The following FNIP1 variants were observed in gnomAD, a reference collection of about 807,000 sequenced individuals.
FNIP1 encodes the protein folliculin interacting protein 1.
A neutral mutation model predicts 124.5 loss-of-function variants in FNIP1; 40 were observed. The ratio of observed to expected loss-of-function variants is 0.32; its 90% CI spans 0.25 to 0.42. FNIP1 has a LOEUF of 0.42. Among genes scored for constraint, FNIP1 ranks in the 10% least tolerant of loss-of-function variants. FNIP1 has a pLI of 1.00. For missense variants in FNIP1, 1,176 were observed against 1,403.7 expected, an observed-to-expected ratio of 0.84 and a Z score of 2.59; for synonymous variants, 472 against 470.6, an observed-to-expected ratio of 1.00 and a Z score of -0.04.
At chr5:131,739,327 G>A (rs578184375) in intron 2 of FNIP1, among the ~76,000 whole-genome samples, 10 of 152,180 alleles carry the variant, frequency 6.6e-5, no homozygotes, top group Admixed American at 2.0e-4. Context: ...ACAGTAAGAC[G>A]CCATCTTTAA....
At position 131,698,914 on chromosome 5, in the gene FNIP1, T is replaced by C; in HGVS notation, c.1202+3A>G. 6.2e-7 allele frequency: 1 copy of C among 1,605,108 alleles called. No individual in the cohort carries two copies. The highest frequency in any genetic ancestry group is 2.2e-5 in the East Asian group (1 of 44,516). ...GCATTATGGAAAGCTGGGCAATATG[T>C]ACCTGAATTCATTTAGGGCATCAAC... is the stretch of plus-strand genomic sequence containing the variant. On this transcript the variant is annotated splice_donor_region_variant and intron_variant, in intron 11 of 17. Transcript: ENST00000510461.
chr5:131,738,610 G>A lies in FNIP1; in HGVS notation c.219+5954C>T, dbSNP rs150968800. On this transcript the variant is annotated intron_variant, in intron 2 of 17. Transcript: ENST00000510461. ...CGCCTCCTGGGATCAAGCAATTCTC[G>A]TGTCTCAGCCTCCCTAGTAGATGAA... 6.0e-3 allele frequency among the ~76,000 whole-genome samples: 918 copies of A among 152,006 alleles called. 9 individuals carry two copies. Among genetic ancestry groups the A allele is most frequent in the African/African-American group, 0.021 (878 of 41,462 alleles).
At chr5:131,653,076 A>G (rs1287359768) in intron 15 of FNIP1, among the ~76,000 whole-genome samples, 25 of 152,238 alleles carry the variant, frequency 1.6e-4, no homozygotes, top group Admixed American at 1.6e-3. Context: ...AATATCCCTC[A>G]GCACCAGAGA....
At position 131,672,870 on chromosome 5, in the gene FNIP1, A is replaced by G. The variant is rs1356391736; in HGVS notation, c.1574T>C (p.Val525Ala). 1.9e-6 allele frequency: 3 copies of G among 1,602,848 alleles called. No homozygotes were observed. Residue 525 changes from valine to alanine, a missense_variant, in exon 14 of 18, where the codon GTT becomes GCT. By Grantham distance (64) the Val-to-Ala change is moderately conservative. Coordinates refer to ENST00000510461, the MANE Select transcript of FNIP1 (RefSeq NM_133372.3). ...CTGGACCATGTCTTGTCGTTTGCCA[A>G]CTACCACAGTCCTTGCTAACCGTAC... ...SPVRLARTVV[V>A]GKRQDMVQRL... is the part of the protein sequence containing the mutation.
chr5:131,735,524 A>T (rs562365472), intron 2 of FNIP1, among the ~76,000 whole-genome samples: 2 of 148,558 alleles, frequency 1.3e-5, no homozygotes, highest in East Asian at 3.9e-4. Context: ...ACGTATATAC[A>T]TATATACGTA....
At position 131,776,561 on chromosome 5, in the gene FNIP1, G is replaced by A. The variant is rs1010802409; in HGVS notation, c.92+20269C>T. Among the ~76,000 whole-genome samples, 35 of 152,162 alleles carry A rather than the reference G, an allele frequency of 2.3e-4. 1 individual carries two copies. ...AACAAAATACTAAACAGCAGCAACT[G>A]CTACATGTGGCAATATGAATAAATC... On this transcript the variant is annotated intron_variant, in intron 1 of 17. Coordinates refer to ENST00000510461, the MANE Select transcript of FNIP1 (RefSeq NM_133372.3).
At chr5:131,646,330 A>G (rs2149501145) in intron 17 of FNIP1, among the ~76,000 whole-genome samples, 1 of 152,366 alleles carries the variant, frequency 6.6e-6, no homozygotes, top group South Asian at 2.1e-4. Context: ...CCTGGATAAC[A>G]CTGCCTACAC....
At position 131,705,622 on chromosome 5, in the gene FNIP1, A is replaced by AT. The variant is rs1489163795; in HGVS notation, c.914+788dup. On this transcript the variant is annotated intron_variant, in intron 9 of 17. Coordinates refer to ENST00000510461, the MANE Select transcript of FNIP1 (RefSeq NM_133372.3). ...GTGAAGATATGGAGAAATTGGAACCATTGTGCATTGCTGGTGGGAATGTAA... is the reference window on the plus strand; with the variant it reads ...GTGAAGATATGGAGAAATTGGAACCATTTGTGCATTGCTGGTGGGAATGTAA... Among the ~76,000 whole-genome samples the AT allele has an allele frequency of 5.3e-5, 8 of 152,324 alleles. No individual in the cohort carries two copies. In the East Asian group the frequency reaches 1.5e-3, roughly 29 times the overall value.
intron 1 of FNIP1, among the ~76,000 whole-genome samples, chr5:131,760,517 C>G (rs1399907718): frequency 6.6e-6 from 1 of 152,002 alleles, no homozygotes; most frequent in Non-Finnish European, 1.5e-5. Flanking sequence ...TCCATTTGAC[C>G]ATCCATATAT....
At chr5:131,704,992 A>C (rs1338960484) in intron 9 of FNIP1, among the ~76,000 whole-genome samples, 1 of 152,214 alleles carries the variant, frequency 6.6e-6, no homozygotes, top group African/African-American at 2.4e-5. Context: ...AATGGAGTAA[A>C]AAGGCATCCC....
intron 11 of FNIP1, among the ~76,000 whole-genome samples, chr5:131,686,511 C>T (rs759550786): frequency 1.3e-4 from 20 of 152,060 alleles, no homozygotes; most frequent in Non-Finnish European, 2.1e-4. Flanking sequence ...TTGAGCCTGG[C>T]TACTTCGAAA....
chr5:131,683,892 TCAAAC>T (rs1471176172), intron 11 of FNIP1, among the ~76,000 whole-genome samples: 1 of 152,188 alleles, frequency 6.6e-6, no homozygotes, highest in Non-Finnish European at 1.5e-5. Flanking sequence ...CACATTTTCA[TCAAAC>T]CCTCAATACA....
intron 1 of FNIP1, among the ~76,000 whole-genome samples, chr5:131,746,618 A>T (rs149625746): frequency 6.6e-6 from 1 of 152,214 alleles, no homozygotes; most frequent in Non-Finnish European, 1.5e-5. Flanking sequence ...ATTCTTTTTT[A>T]TGGCTGAGTA....
At chr5:131,708,489 T>G (rs1580773518) in intron 8 of FNIP1, among the ~76,000 whole-genome samples, 2 of 152,178 alleles carry the variant, frequency 1.3e-5, no homozygotes, top group African/African-American at 4.8e-5. Flanking sequence ...TTTGCCTGGA[T>G]AACTGCTATT....
In FNIP1 at chr5:131,710,634, C is replaced by T. The variant is rs751825253; in HGVS notation, c.650G>A (p.Arg217Gln). Reference sequence around the variant, plus strand: ...GAGCGGACCCTGCTCAGAGAATGCCCGCCTGGGGCTGCAGAACTGTGAAAG... The same window carrying T: ...GAGCGGACCCTGCTCAGAGAATGCCTGCCTGGGGCTGCAGAACTGTGAAAG... ...IGLSQFCSPR[R>Q]AFSEQGPLRL... The change falls in exon 7 of 18, where the codon CGG (arginine) becomes CAG (glutamine). Residue 217 changes from arginine to glutamine, a missense_variant. Physicochemically the swap from Arg to Gln is conservative, Grantham distance 43. Transcript: ENST00000510461. The T allele has an allele frequency of 1.2e-5, 19 of 1,613,814 alleles. No individual in the cohort carries two copies. The highest frequency in any genetic ancestry group is 1.5e-5 in the Non-Finnish European group (18 of 1,179,966).
At position 131,671,999 on chromosome 5, in the gene FNIP1, A is replaced by G. The variant is rs1767768653; in HGVS notation, c.2445T>C (p.Ser815=). 6.2e-7 allele frequency: 1 copy of G among 1,614,090 alleles called. No individual in the cohort carries two copies. Among genetic ancestry groups the G allele is most frequent in the African/African-American group, 1.3e-5 (1 of 74,932 alleles). Residue 815 remains serine (S), a synonymous_variant, in exon 14 of 18, where the codon TCT becomes TCC. Coordinates refer to ENST00000510461, the MANE Select transcript of FNIP1 (RefSeq NM_133372.3). ...AACAGGGAAGTTCACAGGGCTCTTC[A>G]GAAACCATGTTCTGTGTATCAGACT... is the stretch of plus-strand genomic sequence containing the variant. The part of the protein sequence containing the change: ...SGESDTQNMV[S]EEPCELPCWN...
Position 131,651,811 on chromosome 5 carries a change from A to G in FNIP1, c.3297T>C (p.Ser1099=), listed in dbSNP as rs1203303321. The G allele has an allele frequency of 1.9e-6, 3 of 1,613,916 alleles. No homozygotes were observed. The highest frequency in any genetic ancestry group is 2.5e-6 in the Non-Finnish European group (3 of 1,179,938). The change falls in exon 16 of 18, where the codon TCT becomes TCC. Residue 1099 remains serine, a synonymous_variant. Coordinates refer to ENST00000510461, the MANE Select transcript of FNIP1 (RefSeq NM_133372.3). ...TGTTACACATACTTACAAAATTTGG[A>G]GACAAGTTATGCTTATAAAGCTGAA... ...STLQLYKHNL[S]PNFCVMHLED... is the part of the protein sequence containing the mutation.
At chr5:131,784,289 C>T (rs1025371482) in intron 1 of FNIP1, among the ~76,000 whole-genome samples, 3 of 151,984 alleles carry the variant, frequency 2.0e-5, no homozygotes, top group Non-Finnish European at 2.9e-5. Flanking sequence ...AAACGAAACA[C>T]AAAAATTCAG....
intron 12 of FNIP1, among the ~76,000 whole-genome samples, chr5:131,678,427 A>G (rs1305273336): frequency 6.6e-6 from 1 of 152,130 alleles, no homozygotes; most frequent in Non-Finnish European, 1.5e-5. Context: ...TGTTTGTTTG[A>G]GACGGAGTCT....
Sources: allele counts gnomAD v4.1 joint callset (sites outside exome capture counted in the v4.1 genomes callset), GRCh38; gene constraint gnomAD v4.1.1; transcripts MANE v1.5; gene names NCBI Gene and HGNC (gene_info 2026-07-23, HGNC 2026-07-21).